Variants in DSCAM observed in about 807,000 individuals in gnomAD.
DSCAM encodes the protein cell adhesion molecule DSCAM.
DSCAM carries 47 observed loss-of-function variants against 217.7 expected under a neutral mutation model. That is an observed-to-expected ratio of 0.22 (90% confidence interval 0.17 to 0.28). DSCAM has a LOEUF of 0.28. Ranked by LOEUF, DSCAM falls within the 10% of genes least tolerant of loss-of-function variation. The pLI is 1.00. For missense variants in DSCAM, 2,080 were observed against 2,618.3 expected, an observed-to-expected ratio of 0.79 and a Z score of 4.49; for synonymous variants, 1,056 against 1,015.3, an observed-to-expected ratio of 1.04 and a Z score of -0.76.
intron 1 of DSCAM, among the ~76,000 whole-genome samples, chr21:40,821,596 C>A (rs1412613856): frequency 2.6e-5 from 4 of 152,120 alleles, no homozygotes; most frequent in Non-Finnish European, 4.4e-5. Context: ...GCATCCATGT[C>A]CCTGAAAAGG....
In DSCAM at chr21:40,287,906, GA is replaced by G. The variant is rs2073847116; in HGVS notation, c.2182+8148del. 7.9e-5 allele frequency among the ~76,000 whole-genome samples: 12 copies of G among 152,244 alleles called. No individual in the cohort carries two copies. In the South Asian group the frequency reaches 2.5e-3, roughly 32 times the overall value. On this transcript the variant is annotated intron_variant, in intron 10 of 32. Transcript: ENST00000400454. ...TGGTGGATTCTCTGGAGCCTCCAGG[GA>G]AATATGGAATTGGGGAAACTACAAT...
At chr21:40,145,127 G>A (rs1015246666) in intron 16 of DSCAM, among the ~76,000 whole-genome samples, 5 of 152,254 alleles carry the variant, frequency 3.3e-5, no homozygotes, top group Admixed American at 3.3e-4. Context: ...TGTTTGTGGC[G>A]TCTCCAGGTA....
intron 3 of DSCAM, among the ~76,000 whole-genome samples, chr21:40,624,493 A>G (rs2089571149): frequency 6.6e-6 from 1 of 152,166 alleles, no homozygotes; most frequent in Non-Finnish European, 1.5e-5. Flanking sequence ...CAAAGTAGGA[A>G]AACAGAGCAG....
intron 1 of DSCAM, among the ~76,000 whole-genome samples, chr21:40,739,268 C>G (rs2091097832): frequency 6.6e-6 from 1 of 152,100 alleles, no homozygotes; most frequent in Non-Finnish European, 1.5e-5. Context: ...GGGGGCCATG[C>G]CCTTGAGGAG....
chr21:40,714,171 A>G (rs981114636), intron 1 of DSCAM, among the ~76,000 whole-genome samples: 7 of 152,294 alleles, frequency 4.6e-5, no homozygotes, highest in African/African-American at 1.7e-4. Flanking sequence ...GCCGGCACAA[A>G]GAGTCCCCAT....
chr21:40,033,466 C>G (rs575515814), intron 32 of DSCAM, among the ~76,000 whole-genome samples: 1 of 152,104 alleles, frequency 6.6e-6, no homozygotes, highest in Non-Finnish European at 1.5e-5. Context: ...GCTTTTCTGA[C>G]GAGCTTAAAA....
chr21:40,186,205 T>C (rs1330001436), intron 14 of DSCAM, among the ~76,000 whole-genome samples: 4 of 152,212 alleles, frequency 2.6e-5, no homozygotes, highest in Non-Finnish European at 2.9e-5. Flanking sequence ...TGCTGAAACA[T>C]TTCCTCACTC....
Position 40,144,546 on chromosome 21 carries a change from G to A in DSCAM, c.3204C>T (p.Asn1068=), listed in dbSNP as rs2090332194. 6.2e-7 allele frequency: 1 copy of A among 1,614,234 alleles called. No homozygotes were observed. The highest frequency in any genetic ancestry group is 8.5e-7 in the Non-Finnish European group (1 of 1,180,042). ...GAGAAGAAGGCCCCGTGCCGGCCCG[G>A]TTACAGGCCTGCACCACCAGGCCGT... ...TQYGLVVQAC[N]RAGTGPSSQE... Residue 1068 remains asparagine, a synonymous_variant, in exon 17 of 33, where the codon AAC becomes AAT. Transcript: ENST00000400454. The surrounding 1 kb of genome is among the most constrained non-coding windows in gnomAD (Gnocchi z 4.8).
chr21:40,362,720 C>T (rs1271206754), intron 4 of DSCAM, among the ~76,000 whole-genome samples: 1 of 152,110 alleles, frequency 6.6e-6, no homozygotes, highest in African/African-American at 2.4e-5. Flanking sequence ...TGTCTTTAAT[C>T]ATCTGTTATC....
At chr21:40,775,884 T>C (rs1207067328) in intron 1 of DSCAM, among the ~76,000 whole-genome samples, 4 of 152,226 alleles carry the variant, frequency 2.6e-5, no homozygotes, top group Non-Finnish European at 5.9e-5. Context: ...GCAGTTTTGA[T>C]TGACTCGTCA....
At position 40,133,211 on chromosome 21, in the gene DSCAM, A is replaced by G. The variant is rs144152501; in HGVS notation, c.3562+643T>C. Among the ~76,000 whole-genome samples, 400 of 152,380 alleles carry G rather than the reference A, an allele frequency of 2.6e-3. 1 individual carries two copies. Among genetic ancestry groups the G allele is most frequent in the Non-Finnish European group, 4.2e-3 (283 of 68,036 alleles). On this transcript the variant is annotated intron_variant, in intron 19 of 32. Coordinates refer to ENST00000400454, the MANE Select transcript of DSCAM (RefSeq NM_001389.5). ...AAGGCCCCTCAGAGTTTCCCTTAAA[A>G]TAATACAGAACCTTTGTTGTATGGT...
chr21:40,343,685 GTA>G (rs528358373), intron 6 of DSCAM, among the ~76,000 whole-genome samples: 67 of 152,034 alleles, frequency 4.4e-4, no homozygotes, highest in Admixed American at 1.2e-3. Context: ...CAATGTGTGT[GTA>G]TATGTTTTAA....
intron 3 of DSCAM, among the ~76,000 whole-genome samples, chr21:40,446,695 T>G (rs2145922333): frequency 6.6e-6 from 1 of 152,316 alleles, no homozygotes; most frequent in African/African-American, 2.4e-5. Flanking sequence ...CAACTCAGGT[T>G]TATGGCTCTC....
intron 11 of DSCAM, among the ~76,000 whole-genome samples, chr21:40,227,997 G>C (rs1160466471): frequency 6.6e-6 from 1 of 152,092 alleles, no homozygotes; most frequent in Non-Finnish European, 1.5e-5. Context: ...CTGTGTTCTT[G>C]ATGACTGTCA....
At chr21:40,584,437 G>A (rs761700876) in intron 3 of DSCAM, among the ~76,000 whole-genome samples, 21 of 152,202 alleles carry the variant, frequency 1.4e-4, no homozygotes, top group Non-Finnish European at 2.5e-4. Flanking sequence ...TCTCAGAAGC[G>A]TCGGCAGCAG....
rs754514800 is a variant in DSCAM, at chr21:40,429,423, C to T, written c.509-60178G>A. Among the ~76,000 whole-genome samples, 11 of 151,926 alleles carry T rather than the reference C, an allele frequency of 7.2e-5. 1 individual carries two copies. Among genetic ancestry groups the T allele is most frequent in the Non-Finnish European group, 1.5e-4 (10 of 67,992 alleles). Reference sequence around the variant, plus strand: ...CTGGGGTTATAGGCATGCACCACCACGCCTGGCTAATTTTTTGTATTTTTA... The same window carrying T: ...CTGGGGTTATAGGCATGCACCACCATGCCTGGCTAATTTTTTGTATTTTTA... On this transcript the variant is annotated intron_variant, in intron 3 of 32. Transcript: ENST00000400454.
intron 3 of DSCAM, among the ~76,000 whole-genome samples, chr21:40,586,415 G>A (rs1262552687): frequency 6.6e-6 from 1 of 152,246 alleles, no homozygotes; most frequent in African/African-American, 2.4e-5. Context: ...CAGAGACAGA[G>A]TTGATTAAGG....
chr21:40,051,098 A>G (rs2088923522), intron 30 of DSCAM, among the ~76,000 whole-genome samples: 1 of 152,222 alleles, frequency 6.6e-6, no homozygotes, highest in South Asian at 2.1e-4. Context: ...TTTTAACATT[A>G]TAATAGTTAT....
intron 1 of DSCAM, among the ~76,000 whole-genome samples, chr21:40,760,973 C>G (rs1405818556): frequency 6.6e-6 from 1 of 152,236 alleles, no homozygotes; most frequent in East Asian, 1.9e-4. Context: ...ATAATCACAA[C>G]ATTCCCAAAG....
Sources: allele counts gnomAD v4.1 joint callset (sites outside exome capture counted in the v4.1 genomes callset), GRCh38; gene constraint gnomAD v4.1.1; non-coding constraint Gnocchi (gnomAD v3.1); transcripts MANE v1.5; gene names NCBI Gene and HGNC (gene_info 2026-07-23, HGNC 2026-07-21).